SORCS2: variants seen among roughly 807,000 people sequenced by gnomAD.
SORCS2 encodes the protein VPS10 domain-containing receptor SorCS2.
A neutral mutation model predicts 141.6 loss-of-function variants in SORCS2; 100 were observed. That is an observed-to-expected ratio of 0.71 (90% CI 0.60 to 0.83). SORCS2 has a LOEUF of 0.83. Among genes scored for constraint, SORCS2 ranks in the 40% least tolerant of loss-of-function variants. SORCS2 has a pLI of 0.00. For missense variants in SORCS2, 1,646 were observed against 1,560.2 expected, an observed-to-expected ratio of 1.05 and a Z score of -0.93; for synonymous variants, 789 against 676.9, an observed-to-expected ratio of 1.17 and a Z score of -2.57.
At chr4:7,501,224 C>T (rs1731957345) in intron 2 of SORCS2, among the ~76,000 whole-genome samples, 1 of 152,202 alleles carries the variant, frequency 6.6e-6, no homozygotes, top group Admixed American at 6.5e-5. Flanking sequence ...GTCACCCGCT[C>T]GGTCCCACGC....
At chr4:7,392,621 C>T (rs1183749200) in intron 1 of SORCS2, among the ~76,000 whole-genome samples, 1 of 151,856 alleles carries the variant, frequency 6.6e-6, no homozygotes, top group African/African-American at 2.4e-5. Flanking sequence ...AGGTCTCCGC[C>T]TGGGGTCCCG....
intron 1 of SORCS2, among the ~76,000 whole-genome samples, chr4:7,245,468 TG>T (rs1458958512): frequency 6.6e-6 from 1 of 152,260 alleles, no homozygotes; most frequent in Non-Finnish European, 1.5e-5. Context: ...TGAAATAACT[TG>T]GGCTTTAGAG....
intron 3 of SORCS2, among the ~76,000 whole-genome samples, chr4:7,580,265 T>A (rs1716053572): frequency 6.6e-6 from 1 of 152,192 alleles, no homozygotes; most frequent in Non-Finnish European, 1.5e-5. Flanking sequence ...ACAGTTAACT[T>A]GAGGCCAGGA....
At chr4:7,623,424 T>G (rs916742533) in intron 3 of SORCS2, among the ~76,000 whole-genome samples, 4 of 152,024 alleles carry the variant, frequency 2.6e-5, no homozygotes, top group African/African-American at 9.7e-5. Context: ...CACTTTGCTG[T>G]CTGGTCCTCC....
intron 2 of SORCS2, among the ~76,000 whole-genome samples, chr4:7,470,276 T>C (rs1032607131): frequency 6.6e-6 from 1 of 151,306 alleles, no homozygotes; most frequent in East Asian, 1.9e-4. Flanking sequence ...CATCCTGCCA[T>C]CCTCCCGTCC....
At chr4:7,576,550 G>C (rs893089259) in intron 3 of SORCS2, among the ~76,000 whole-genome samples, 1 of 152,178 alleles carries the variant, frequency 6.6e-6, no homozygotes, top group Non-Finnish European at 1.5e-5. Flanking sequence ...ATTTGTGTTG[G>C]GTATTGAGGA....
intron 3 of SORCS2, among the ~76,000 whole-genome samples, chr4:7,561,334 A>G (rs1157435397): frequency 6.6e-6 from 1 of 150,450 alleles, no homozygotes; most frequent in Non-Finnish European, 1.5e-5. Flanking sequence ...CATGGAGGGG[A>G]GCGGCTGGAA....
intron 2 of SORCS2, chr4:7,433,220 T>C: frequency 1.6e-6 from 2 of 1,276,344 alleles, no homozygotes; most frequent in Non-Finnish European, 2.0e-6. Context: ...GCCTCCCTCC[T>C]CAGAGCTTCA....
At chr4:7,495,765 C>G (rs554646420) in intron 2 of SORCS2, among the ~76,000 whole-genome samples, 1 of 152,304 alleles carries the variant, frequency 6.6e-6, no homozygotes, top group East Asian at 1.9e-4. Flanking sequence ...AATGCAGGCC[C>G]TCTGCACTTC....
At chr4:7,194,106 G>T (rs1727029299) in intron 1 of SORCS2, among the ~76,000 whole-genome samples, 1 of 152,160 alleles carries the variant, frequency 6.6e-6, no homozygotes, top group Non-Finnish European at 1.5e-5. Flanking sequence ...TCCAGAGAAG[G>T]ATTGGGATAG....
At chr4:7,318,784 C>G (rs1436364022) in intron 1 of SORCS2, among the ~76,000 whole-genome samples, 2 of 152,122 alleles carry the variant, frequency 1.3e-5, no homozygotes, top group African/African-American at 4.8e-5. Context: ...GTGTACAGTA[C>G]TATGAATTTT....
chr4:7,386,104 C>T (rs1440487456), intron 1 of SORCS2, among the ~76,000 whole-genome samples: 1 of 152,116 alleles, frequency 6.6e-6, no homozygotes, highest in Admixed American at 6.5e-5. Flanking sequence ...CATGCACACA[C>T]ACATGGACAT....
intron 1 of SORCS2, among the ~76,000 whole-genome samples, chr4:7,354,537 C>G (rs1028875832): frequency 6.6e-6 from 1 of 152,218 alleles, no homozygotes; most frequent in Non-Finnish European, 1.5e-5. Context: ...CGTGCAGCCC[C>G]GGCTAAGGCC....
Position 7,598,350 on chromosome 4 carries a change from G to A in SORCS2, c.649-39978G>A, listed in dbSNP as rs537492927. Reference sequence around the variant, plus strand: ...GGCTGCCCGATGATGCCCCAGAGAGGTTCCGTGCTTCTGAGAGGCAGGGGC... The same window carrying A: ...GGCTGCCCGATGATGCCCCAGAGAGATTCCGTGCTTCTGAGAGGCAGGGGC... On this transcript the variant is annotated intron_variant, in intron 3 of 26. Coordinates refer to ENST00000507866, the MANE Select transcript of SORCS2 (RefSeq NM_020777.3). Among the ~76,000 whole-genome samples, 220 of 152,304 alleles carry A rather than the reference G, an allele frequency of 1.4e-3. 1 individual carries two copies. The highest frequency in any genetic ancestry group is 5.0e-3 in the African/African-American group (208 of 41,578).
chr4:7,325,303 G>A (rs1224578759), intron 1 of SORCS2, among the ~76,000 whole-genome samples: 3 of 152,186 alleles, frequency 2.0e-5, no homozygotes, highest in Admixed American at 1.3e-4. Context: ...CAGTGTCTGC[G>A]TCTGTTAAGT....
At chr4:7,389,941 C>T (rs1373999400) in intron 1 of SORCS2, among the ~76,000 whole-genome samples, 2 of 152,148 alleles carry the variant, frequency 1.3e-5, no homozygotes, top group African/African-American at 4.8e-5. Flanking sequence ...CTGGGGATGC[C>T]TTGCCAGGGT....
At chr4:7,229,964 A>G (rs1210723789) in intron 1 of SORCS2, among the ~76,000 whole-genome samples, 1 of 140,804 alleles carries the variant, frequency 7.1e-6, no homozygotes, top group Non-Finnish European at 1.5e-5. Flanking sequence ...CTCATGTATG[A>G]AGGAGATGAA....
rs192137510 is a variant in SORCS2, at chr4:7,603,124, C to T, written c.649-35204C>T. Among the ~76,000 whole-genome samples the T allele has an allele frequency of 1.2e-3, 178 of 151,048 alleles. 2 individuals carry two copies. The East Asian group carries it at 0.027, about 23-fold the overall frequency. ...GATGGCGGCACTACAGTTCAGCCTC[C>T]GCTCGGCATCAGAGGGAGACCATGG... On this transcript the variant is annotated intron_variant, in intron 3 of 26. Coordinates refer to ENST00000507866, the MANE Select transcript of SORCS2 (RefSeq NM_020777.3).
chr4:7,338,967 T>C (rs1309534641), intron 1 of SORCS2, among the ~76,000 whole-genome samples: 1 of 152,176 alleles, frequency 6.6e-6, no homozygotes, highest in African/African-American at 2.4e-5. Flanking sequence ...AACCCCAGGA[T>C]ACCCAGCAAC....
Sources: gnomAD v4.1 joint callset for allele counts (sites outside exome capture counted in the v4.1 genomes callset) on GRCh38, gnomAD v4.1.1 for gene constraint, MANE v1.5 for transcripts, NCBI Gene and HGNC (gene_info 2026-07-23, HGNC 2026-07-21) for gene names.